Variants in OXR1 observed in about 807,000 individuals in gnomAD.
The protein encoded by OXR1 is oxidation resistance protein 1.
OXR1 carries 41 observed loss-of-function variants against 104.6 expected under a neutral mutation model. That is an observed-to-expected ratio of 0.39 (90% CI 0.31 to 0.51). OXR1 has a LOEUF of 0.51. Ranked by LOEUF, OXR1 falls within the 20% of genes least tolerant of loss-of-function variation. OXR1 has a pLI of 0.77. For missense variants in OXR1, 955 were observed against 1,031.9 expected, an observed-to-expected ratio of 0.93 and a Z score of 1.02; for synonymous variants, 348 against 348.4, an observed-to-expected ratio of 1.00 and a Z score of 0.01.
intron 2 of OXR1, among the ~76,000 whole-genome samples, chr8:106,444,603 C>T (rs747764550): frequency 4.6e-5 from 7 of 152,000 alleles, no homozygotes; most frequent in Admixed American, 1.3e-4. Context: ...AACCAAACAC[C>T]GCATGTTCTC....
chr8:106,344,415 G>T (rs940894098), intron 1 of OXR1, among the ~76,000 whole-genome samples: 1 of 152,182 alleles, frequency 6.6e-6, no homozygotes, highest in African/African-American at 2.4e-5. Flanking sequence ...TCGGCTCACT[G>T]CAACCTCCGC....
intron 1 of OXR1, among the ~76,000 whole-genome samples, chr8:106,324,261 C>T (rs915427220): frequency 1.3e-5 from 2 of 152,114 alleles, no homozygotes; most frequent in Non-Finnish European, 2.9e-5. Flanking sequence ...AACACAGGAA[C>T]AGAAAACCCA....
At chr8:106,684,492 T>C (rs867205087) in intron 6 of OXR1, 133 bp downstream of exon 6, 6 of 598,570 alleles carry the variant, frequency 1.0e-5, no homozygotes, top group Non-Finnish European at 1.5e-5. Context: ...TGCTTAAGTT[T>C]GTAAATCCCA....
intron 3 of OXR1, among the ~76,000 whole-genome samples, chr8:106,665,185 A>G (rs1410015114): frequency 1.3e-5 from 2 of 152,064 alleles, no homozygotes; most frequent in South Asian, 2.1e-4. Flanking sequence ...ACACCATTCC[A>G]CCTCAGGGCA....
chr8:106,547,310 G>A (rs1159455111), intron 3 of OXR1, among the ~76,000 whole-genome samples: 3 of 151,898 alleles, frequency 2.0e-5, no homozygotes, highest in Non-Finnish European at 4.4e-5. Context: ...CCCCATTCCC[G>A]CTCCCTCCAG....
chr8:106,316,741 T>TATC (rs1269486996), intron 1 of OXR1, among the ~76,000 whole-genome samples: 1 of 149,808 alleles, frequency 6.7e-6, no homozygotes, highest in Non-Finnish European at 1.5e-5. Context: ...TCTATCTATC[T>TATC]ATCTATCTAT....
intron 3 of OXR1, among the ~76,000 whole-genome samples, chr8:106,524,059 A>C (rs1254100623): frequency 6.6e-6 from 1 of 152,138 alleles, no homozygotes; most frequent in Admixed American, 6.5e-5. Context: ...TACAGGCATG[A>C]ACCACCATCC....
At chr8:106,338,994 A>G (rs1278840821) in intron 1 of OXR1, among the ~76,000 whole-genome samples, 1 of 152,136 alleles carries the variant, frequency 6.6e-6, no homozygotes, top group Non-Finnish European at 1.5e-5. Context: ...TACACATATT[A>G]CATAATGGAC....
chr8:106,458,085 G>A (rs1820701180), intron 2 of OXR1, among the ~76,000 whole-genome samples: 1 of 152,118 alleles, frequency 6.6e-6, no homozygotes, highest in Admixed American at 6.5e-5. Context: ...CTAAGGGTCT[G>A]ACCAAGCAAC....
chr8:106,725,404 A>G (rs772739182), intron 11 of OXR1, among the ~76,000 whole-genome samples: 5 of 152,178 alleles, frequency 3.3e-5, no homozygotes, highest in Non-Finnish European at 7.4e-5. Flanking sequence ...TATCATCATG[A>G]TATTGATATT....
chr8:106,619,202 A>G (rs1444880547), intron 3 of OXR1, among the ~76,000 whole-genome samples: 3 of 152,336 alleles, frequency 2.0e-5, no homozygotes, highest in Admixed American at 2.0e-4. Context: ...TTATTTAGAC[A>G]TGAGGCTTAA....
intron 1 of OXR1, among the ~76,000 whole-genome samples, chr8:106,344,788 C>G (rs1219514592): frequency 6.6e-6 from 1 of 152,148 alleles, no homozygotes; most frequent in African/African-American, 2.4e-5. Flanking sequence ...TATTCCTTTC[C>G]AGTCTTACAT....
chr8:106,639,558 T>C (rs1409959775), intron 3 of OXR1, among the ~76,000 whole-genome samples: 1 of 152,164 alleles, frequency 6.6e-6, no homozygotes. Context: ...GTATGGAGAA[T>C]ACCACTTCAA....
chr8:106,588,520 C>G (rs980693948), intron 3 of OXR1, among the ~76,000 whole-genome samples: 1 of 149,912 alleles, frequency 6.7e-6, no homozygotes, highest in South Asian at 2.1e-4. Flanking sequence ...GACAGTCTTG[C>G]TCTGTCACCC....
rs970073265 is a variant in OXR1 at position 106,627,050 on chromosome 8, T to C, written c.221-52160T>C. Among the ~76,000 whole-genome samples, 7 of 152,182 alleles carry C rather than the reference T, an allele frequency of 4.6e-5. No individual in the cohort carries two copies. The South Asian group carries it at 8.3e-4, about 18-fold the overall frequency. The stretch of plus-strand genomic sequence containing the variant: ...ACCTGTATCTCAAAGTACATGCACA[T>C]GTTATGCAAACAACTAAAACCAAGG... On this transcript the variant is annotated intron_variant, in intron 3 of 16. Coordinates refer to ENST00000517566, the MANE Select transcript of OXR1 (RefSeq NM_001198533.2).
intron 3 of OXR1, among the ~76,000 whole-genome samples, chr8:106,535,894 C>T (rs746998332): frequency 2.0e-5 from 3 of 151,864 alleles, no homozygotes; most frequent in Non-Finnish European, 4.4e-5. Context: ...AACTATTTTC[C>T]TTGTCATTGG....
intron 3 of OXR1, chr8:106,656,467 C>A (rs1825088624): frequency 6.6e-6 from 1 of 152,248 alleles, no homozygotes. Flanking sequence ...CCAAAGGCCC[C>A]ATCTCCTAAT....
At position 106,674,337 on chromosome 8, in the gene OXR1, G is replaced by A. The variant is rs182524947; in HGVS notation, c.221-4873G>A. ...CTGCCCTGCCAGATTTTGGACTTGC[G>A]TGGGACCTGTAGTCCCTTTGGTTTG... On this transcript the variant is annotated intron_variant, in intron 3 of 16. Coordinates refer to ENST00000517566, the MANE Select transcript of OXR1 (RefSeq NM_001198533.2). Among the ~76,000 whole-genome samples the A allele has an allele frequency of 2.7e-3, 410 of 152,296 alleles. 2 individuals carry two copies. The highest frequency in any genetic ancestry group is 9.3e-3 in the African/African-American group (385 of 41,560).
chr8:106,671,685 G>A (rs1002923622), intron 3 of OXR1, among the ~76,000 whole-genome samples: 49 of 151,816 alleles, frequency 3.2e-4, no homozygotes, highest in African/African-American at 1.2e-3. Flanking sequence ...GGATGAAGCT[G>A]GAAACCATCA....
Sources: gnomAD v4.1 joint callset for allele counts (sites outside exome capture counted in the v4.1 genomes callset) on GRCh38, gnomAD v4.1.1 for gene constraint, MANE v1.5 for transcripts, NCBI Gene and HGNC (gene_info 2026-07-23, HGNC 2026-07-21) for gene names.